BIN1: variants seen among roughly 807,000 people sequenced by gnomAD.
The protein encoded by BIN1 is bridging integrator 1, also known as myc box-dependent-interacting protein 1.
A neutral mutation model predicts 82.0 loss-of-function variants in BIN1; 53 were observed. That is an observed-to-expected ratio of 0.65 (90% confidence interval 0.52 to 0.81). The LOEUF is 0.81. Ranked by LOEUF, BIN1 falls within the 40% of genes least tolerant of loss-of-function variation. The pLI is 0.00. For missense variants in BIN1, 642 were observed against 784.4 expected, an observed-to-expected ratio of 0.82 and a Z score of 2.17; for synonymous variants, 302 against 328.0, an observed-to-expected ratio of 0.92 and a Z score of 0.86.
rs1678737832 is a variant in BIN1 at position 127,090,203 on chromosome 2, A to G, written c.85-13497T>C. On this transcript the variant is annotated intron_variant, in intron 1 of 18. Transcript: ENST00000316724. The surrounding 1 kb of genome is among the most constrained non-coding windows in gnomAD (Gnocchi z 6.4). Reference sequence around the variant, plus strand: ...CCCATTACGCTGGGCCCCTTTGGGAAAAGGGTAAACCGACAAGAGGCCCCA... The same window carrying G: ...CCCATTACGCTGGGCCCCTTTGGGAGAAGGGTAAACCGACAAGAGGCCCCA... Among the ~76,000 whole-genome samples, 1 of 152,232 alleles carries G rather than the reference A, an allele frequency of 6.6e-6. No homozygotes were observed. Among genetic ancestry groups the G allele is most frequent in the African/African-American group, 2.4e-5 (1 of 41,468 alleles).
At chr2:127,077,784 C>A (rs1203331131) in intron 1 of BIN1, among the ~76,000 whole-genome samples, 1 of 152,188 alleles carries the variant, frequency 6.6e-6, no homozygotes, top group African/African-American at 2.4e-5. Context: ...GCGGGACACA[C>A]CCGTCTGCAG....
In BIN1 at chr2:127,082,894, G is replaced by T. The variant is rs1320421823; in HGVS notation, c.85-6188C>A. Among the ~76,000 whole-genome samples the T allele has an allele frequency of 6.6e-6, 1 of 151,716 alleles. No homozygotes were observed. Among genetic ancestry groups the T allele is most frequent in the Admixed American group, 6.6e-5 (1 of 15,256 alleles). ...CCACAGCAGCCCTGACGAGAGAGCA[G>T]AGGGAGGAAAAGAGGTTCTAAGCCC... On this transcript the variant is annotated intron_variant, in intron 1 of 18. Coordinates refer to ENST00000316724, the MANE Select transcript of BIN1 (RefSeq NM_139343.3). The surrounding 1 kb of genome is among the most constrained non-coding windows in gnomAD (Gnocchi z 6.1).
chr2:127,057,808 G>C lies in BIN1; in HGVS notation c.1003-207C>G, dbSNP rs573553751. Among the ~76,000 whole-genome samples the C allele has an allele frequency of 1.3e-5, 2 of 151,874 alleles. No individual in the cohort carries two copies. Among genetic ancestry groups the C allele is most frequent in the African/African-American group, 2.4e-5 (1 of 41,294 alleles). The stretch of plus-strand genomic sequence containing the variant: ...CAAGACCCCAGGCCACCCCCGAGAG[G>C]GACACTGAGGCAGGCGGTCCAGAAA... On this transcript the variant is annotated intron_variant, in intron 11 of 18. Coordinates refer to ENST00000316724, the MANE Select transcript of BIN1 (RefSeq NM_139343.3). The surrounding 1 kb of genome is among the most constrained non-coding windows in gnomAD (Gnocchi z 5.0).
chr2:127,099,526 AT>A (rs758370723), intron 1 of BIN1, among the ~76,000 whole-genome samples: 13 of 152,156 alleles, frequency 8.5e-5, no homozygotes, highest in Non-Finnish European at 1.8e-4. Flanking sequence ...TTATTTATTT[AT>A]TTGTTGAGAC....
At position 127,064,026 on chromosome 2, in the gene BIN1, G is replaced by T; in HGVS notation, c.613-8C>A. The T allele has an allele frequency of 6.2e-7, 1 of 1,613,738 alleles. No individual in the cohort carries two copies. The highest frequency in any genetic ancestry group is 8.5e-7 in the Non-Finnish European group (1 of 1,179,970). ...GATGAGCTCCTCCTCGGCCTGGGGG[G>T]CAGCACGGGTCATTCCCCTCTGTTG... is the stretch of plus-strand genomic sequence containing the variant. On this transcript the variant is annotated splice_region_variant and splice_polypyrimidine_tract_variant and intron_variant, in intron 7 of 18. Transcript: ENST00000316724.
At chr2:127,103,209 C>G (rs1171657489) in intron 1 of BIN1, among the ~76,000 whole-genome samples, 1 of 152,204 alleles carries the variant, frequency 6.6e-6, no homozygotes. Flanking sequence ...CATGCACCCA[C>G]TCTCAGGTGT....
At chr2:127,078,218 G>C (rs1199851992) in intron 1 of BIN1, among the ~76,000 whole-genome samples, 1 of 152,246 alleles carries the variant, frequency 6.6e-6, no homozygotes, top group Non-Finnish European at 1.5e-5. Context: ...CCTTGGCAAG[G>C]CCAGCTGCTC....
chr2:127,085,608 A>C (rs1438666410), intron 1 of BIN1, among the ~76,000 whole-genome samples: 1 of 152,072 alleles, frequency 6.6e-6, no homozygotes, highest in East Asian at 1.9e-4. Context: ...GCCCATAATG[A>C]GGAAGGAGCC....
Position 127,048,376 on chromosome 2 carries a change from T to C in BIN1, c.*150A>G. 2 of 727,644 alleles carry C rather than the reference T, an allele frequency of 2.7e-6. No individual in the cohort carries two copies. Among genetic ancestry groups the C allele is most frequent in the Non-Finnish European group, 4.6e-6 (2 of 435,120 alleles). The allele number at this position is 727,644 out of a possible 1,614,324, so 45.1% of individuals were successfully genotyped here. A position where few individuals can be genotyped will look rare whatever the true frequency, so the allele number is the denominator to read the frequency against. On this transcript the variant is annotated 3_prime_UTR_variant, in exon 19 of 19. Transcript: ENST00000316724. ...GGCTCTTTGGAAAACGACCTAATCT[T>C]TGGGAGAACGCCCCTCTGCCTGGGG... is the stretch of plus-strand genomic sequence containing the variant.
intron 10 of BIN1, chr2:127,060,536 T>C: frequency 6.2e-7 from 1 of 1,611,330 alleles, no homozygotes; most frequent in South Asian, 1.1e-5. Context: ...GCAAGGCGCA[T>C]GCACAGGGCC....
At position 127,054,459 on chromosome 2, in the gene BIN1, T is replaced by C. The variant is rs115448648; in HGVS notation, c.1132-447A>G. The C allele has an allele frequency of 3.5e-3, 743 of 214,302 alleles. 7 individuals carry two copies. Among genetic ancestry groups the C allele is most frequent in the African/African-American group, 0.016 (710 of 43,536 alleles). The allele number at this position is 214,302 out of a possible 1,614,324, so 13.3% of individuals were successfully genotyped here. ...TCTTGCTACCCCCCAGTGGCGAGAGTAACACCATGCCACAGCCACCCTCAG... is the reference window on the plus strand; with the variant it reads ...TCTTGCTACCCCCCAGTGGCGAGAGCAACACCATGCCACAGCCACCCTCAG... On this transcript the variant is annotated intron_variant, in intron 12 of 18. Coordinates refer to ENST00000316724, the MANE Select transcript of BIN1 (RefSeq NM_139343.3).
In BIN1 at chr2:127,090,324, G is replaced by A. The variant is rs979804089; in HGVS notation, c.85-13618C>T. Among the ~76,000 whole-genome samples the A allele has an allele frequency of 2.2e-4, 34 of 152,334 alleles. No homozygotes were observed. Among genetic ancestry groups the A allele is most frequent in the Admixed American group, 2.2e-3 (34 of 15,308 alleles). ...CACATGAGGAGCCCTGATGGGCCTT[G>A]CTACTACTCCACATCCCAGTGCCAC... On this transcript the variant is annotated intron_variant, in intron 1 of 18. Transcript: ENST00000316724. This position sits in a 1 kb window ranked among gnomAD's most constrained non-coding sequence, Gnocchi z 6.4.
chr2:127,063,509 C>T lies in BIN1; in HGVS notation c.774+62G>A, dbSNP rs2071268. On this transcript the variant is annotated intron_variant, in intron 9 of 18. Transcript: ENST00000316724. ...GGAGTTCAGGCTGCCCCTCCCACGACTCTGACTCTGACCCTCGGCCAGGGT... is the reference window on the plus strand; with the variant it reads ...GGAGTTCAGGCTGCCCCTCCCACGATTCTGACTCTGACCCTCGGCCAGGGT... The T allele has an allele frequency of 0.35, 548,149 of 1,547,182 alleles. 100,139 individuals are homozygous for T. The highest frequency in any genetic ancestry group is 0.49 in the South Asian group (42,815 of 87,110).
intron 1 of BIN1, among the ~76,000 whole-genome samples, chr2:127,099,139 G>T (rs1416638554): frequency 2.0e-5 from 3 of 152,178 alleles, no homozygotes; most frequent in African/African-American, 7.2e-5. Context: ...AGCCTCCAGG[G>T]CCTCTGCCAG....
chr2:127,102,473 G>A (rs1182505750), intron 1 of BIN1, among the ~76,000 whole-genome samples: 1 of 152,218 alleles, frequency 6.6e-6, no homozygotes, highest in Non-Finnish European at 1.5e-5. Flanking sequence ...CTTCTCTTCA[G>A]AGAGCTGGCA....
At chr2:127,106,636 C>A (rs1456274524) in intron 1 of BIN1, among the ~76,000 whole-genome samples, 2 of 152,164 alleles carry the variant, frequency 1.3e-5, no homozygotes. Context: ...CTGTCCTGCC[C>A]CGGCCGGGTG....
intron 14 of BIN1, chr2:127,052,699 G>C: frequency 2.7e-6 from 1 of 372,126 alleles, no homozygotes; most frequent in Non-Finnish European, 5.0e-6. Context: ...CAGGAGCCTG[G>C]GCTGCCAGCG....
intron 10 of BIN1, chr2:127,060,675 C>G (rs745379228): frequency 1.2e-6 from 2 of 1,613,626 alleles, no homozygotes; most frequent in South Asian, 2.2e-5. Context: ...GGCCTTCATT[C>G]TGGAGAAAGG....
chr2:127,063,804 G>GCTGGGCACCGCAGCACGCAGA, intron 8 of BIN1, 129 bp downstream of exon 8: 1 of 1,405,600 alleles, frequency 7.1e-7, no homozygotes, highest in African/African-American at 1.4e-5. Flanking sequence ...CAGCACACAG[G>GCTGGGCACCGCAGCACGCAGA]CTGGGCACCG....
Sources: gnomAD v4.1 joint callset for allele counts (sites outside exome capture counted in the v4.1 genomes callset) on GRCh38, gnomAD v4.1.1 for gene constraint, Gnocchi (gnomAD v3.1) non-coding constraint, MANE v1.5 for transcripts, NCBI Gene and HGNC (gene_info 2026-07-23, HGNC 2026-07-21) for gene names.